Variants in MVB12B observed in about 807,000 individuals in gnomAD.
MVB12B encodes ESCRT-I complex subunit MVB12B.
In MVB12B, 16 loss-of-function variants were observed where a neutral mutation model predicts 41.6. That is an observed-to-expected ratio of 0.38 (90% CI 0.26 to 0.58). The LOEUF is 0.58. MVB12B is among the 20% of genes least tolerant of loss of function. The pLI, the probability that MVB12B is intolerant of heterozygous loss-of-function variation, is 0.62. For missense variants in MVB12B, 274 were observed against 380.2 expected (o/e 0.72, Z 2.32); for synonymous variants, 133 against 139.7 (o/e 0.95, Z 0.34).
intron 2 of MVB12B, among the ~76,000 whole-genome samples, chr9:126,374,006 T>G (rs1167678508): frequency 6.6e-6 from 1 of 152,252 alleles, no homozygotes; most frequent in African/African-American, 2.4e-5. Context: ...TTATAAACCA[T>G]GTTGTAACTT....
Position 126,333,434 on chromosome 9 carries a change from T to C in MVB12B, c.81+6424T>C, listed in dbSNP as rs570821572. ...TTATTTATTTTTTTGAGATGAGGTC[T>C]GGCTCTGTCACCCAGCCTGGAGTGC... On this transcript the variant is annotated intron_variant, in intron 1 of 9. Coordinates refer to ENST00000361171, the MANE Select transcript of MVB12B (RefSeq NM_033446.3). This position sits in a 1 kb window ranked among gnomAD's most constrained non-coding sequence, Gnocchi z 4.7. 1.2e-4 allele frequency among the ~76,000 whole-genome samples: 18 copies of C among 151,898 alleles called. 1 individual carries two copies. In the South Asian group the frequency reaches 3.8e-3, roughly 32 times the overall value.
chr9:126,371,795 A>G lies in MVB12B; in HGVS notation c.205-9269A>G, dbSNP rs553729052. Reference sequence around the variant, plus strand: ...GATCTTTACTTTAAGGACCAGAGATAATAGTAAGTAGGTAACATTTTTTTA... The same window carrying G: ...GATCTTTACTTTAAGGACCAGAGATGATAGTAAGTAGGTAACATTTTTTTA... On this transcript the variant is annotated intron_variant, in intron 2 of 9. Coordinates refer to ENST00000361171, the MANE Select transcript of MVB12B (RefSeq NM_033446.3). 2.3e-4 allele frequency among the ~76,000 whole-genome samples: 35 copies of G among 152,350 alleles called. No homozygotes were observed. The South Asian group carries it at 7.2e-3, about 32-fold the overall frequency.
intron 6 of MVB12B, among the ~76,000 whole-genome samples, chr9:126,409,123 G>C (rs910121983): frequency 2.8e-5 from 4 of 142,826 alleles, no homozygotes; most frequent in African/African-American, 9.1e-5. Flanking sequence ...TGTGGGGGGG[G>C]GCTCAGTAAT....
At chr9:126,492,163 C>T (rs1262431639) in intron 9 of MVB12B, among the ~76,000 whole-genome samples, 1 of 147,506 alleles carries the variant, frequency 6.8e-6, no homozygotes, top group African/African-American at 2.5e-5. Flanking sequence ...GCAGTACTGC[C>T]GGCTGCGACC....
intron 7 of MVB12B, among the ~76,000 whole-genome samples, chr9:126,460,594 A>G (rs1225373806): frequency 6.6e-6 from 1 of 151,902 alleles, no homozygotes; most frequent in Admixed American, 6.6e-5. Context: ...GGCAGGTCAG[A>G]GGGGTGGGCA....
intron 7 of MVB12B, among the ~76,000 whole-genome samples, chr9:126,453,158 A>G (rs1445337880): frequency 6.6e-6 from 1 of 152,202 alleles, no homozygotes; most frequent in East Asian, 1.9e-4. Context: ...TATGTGAGAA[A>G]GATAAAATCC....
At chr9:126,502,308 C>T (rs1457047641) in intron 9 of MVB12B, among the ~76,000 whole-genome samples, 1 of 152,064 alleles carries the variant, frequency 6.6e-6, no homozygotes, top group Non-Finnish European at 1.5e-5. Context: ...GCCTGCTCTG[C>T]CCACATGCCC....
chr9:126,337,958 A>C (rs2118810867), intron 1 of MVB12B, among the ~76,000 whole-genome samples: 1 of 152,280 alleles, frequency 6.6e-6, no homozygotes, highest in Admixed American at 6.5e-5. Context: ...GGTCAATTGA[A>C]GTGCCGGTAG....
chr9:126,471,165 G>A (rs529592805), intron 7 of MVB12B, among the ~76,000 whole-genome samples: 2 of 152,184 alleles, frequency 1.3e-5, no homozygotes, highest in Non-Finnish European at 2.9e-5. Context: ...ACATAAAACC[G>A]CAGCCTTGCC....
chr9:126,491,995 A>G (rs533041020), intron 9 of MVB12B, among the ~76,000 whole-genome samples: 15 of 152,054 alleles, frequency 9.9e-5, no homozygotes, highest in African/African-American at 3.4e-4. Context: ...CTGCCGATCA[A>G]AATTGATTTT....
intron 7 of MVB12B, among the ~76,000 whole-genome samples, chr9:126,429,512 A>G (rs1832275014): frequency 6.6e-6 from 1 of 152,206 alleles, no homozygotes; most frequent in Non-Finnish European, 1.5e-5. Flanking sequence ...AGAGTGGGAC[A>G]TGTCAAAAAA....
intron 9 of MVB12B, 107 bp from the exon 10 acceptor site, chr9:126,503,070 C>T (rs1833993352): frequency 2.0e-6 from 2 of 1,003,388 alleles, no homozygotes; most frequent in African/African-American, 1.6e-5. Flanking sequence ...CAAGATGCCC[C>T]ACGAGGCGGC....
intron 2 of MVB12B, among the ~76,000 whole-genome samples, chr9:126,355,358 A>G (rs1174880946): frequency 6.6e-6 from 1 of 152,230 alleles, no homozygotes; most frequent in Non-Finnish European, 1.5e-5. Flanking sequence ...TGTGAGGCCC[A>G]CGTGCATAGA....
chr9:126,368,532 A>G (rs1830245328), intron 2 of MVB12B, among the ~76,000 whole-genome samples: 1 of 152,174 alleles, frequency 6.6e-6, no homozygotes, highest in African/African-American at 2.4e-5. Context: ...AAATTTTTTA[A>G]AAAAAATCAC....
intron 2 of MVB12B, among the ~76,000 whole-genome samples, chr9:126,350,474 T>TA (rs1278867752): frequency 6.6e-6 from 1 of 152,232 alleles, no homozygotes; most frequent in African/African-American, 2.4e-5. Context: ...CATTAACACT[T>TA]ACGTCTGTGA....
chr9:126,497,121 G>A (rs751697618), intron 9 of MVB12B, among the ~76,000 whole-genome samples: 1 of 152,170 alleles, frequency 6.6e-6, no homozygotes, highest in Non-Finnish European at 1.5e-5. Context: ...ACACAGCAGT[G>A]CCCAGACACA....
intron 6 of MVB12B, chr9:126,396,988 C>T (rs535605692): frequency 1.8e-5 from 18 of 985,594 alleles, no homozygotes; most frequent in African/African-American, 1.7e-4. Context: ...GTCACTGTCT[C>T]CTGTGCTCAA....
intron 6 of MVB12B, among the ~76,000 whole-genome samples, chr9:126,397,892 G>A (rs1269337045): frequency 1.3e-5 from 2 of 152,126 alleles, no homozygotes; most frequent in Non-Finnish European, 2.9e-5. Context: ...CCTCCCCTCT[G>A]GTGGGGAGCA....
chr9:126,499,812 C>G (rs1833915270), intron 9 of MVB12B, among the ~76,000 whole-genome samples: 1 of 152,194 alleles, frequency 6.6e-6, no homozygotes, highest in African/African-American at 2.4e-5. Context: ...TGTGCGCCCT[C>G]GCGGGGACCG....
Sources: gnomAD v4.1 joint callset for allele counts (sites outside exome capture counted in the v4.1 genomes callset) on GRCh38, gnomAD v4.1.1 for gene constraint, Gnocchi (gnomAD v3.1) non-coding constraint, MANE v1.5 for transcripts, NCBI Gene and HGNC (gene_info 2026-07-23, HGNC 2026-07-21) for gene names.